Variants in RAB40A observed in about 807,000 individuals in gnomAD.
RAB40A encodes the protein RAB40A, member RAS oncogene family, also known as ras-related protein Rab-40A.
For missense variants in RAB40A, 145 were observed against 230.2 expected (o/e 0.63, Z 2.40); for synonymous variants, 65 against 99.9 (o/e 0.65, Z 2.08).
chrX:103,516,813 T>TCCC (rs1276151641), intron 2 of RAB40A, among the ~76,000 whole-genome samples: 1 of 112,009 alleles, frequency 8.9e-6, no homozygotes, highest in Admixed American at 9.5e-5. Flanking sequence ...ATGTACAGTA[T>TCCC]AGCATCCTGG....
intron 1 of RAB40A, among the ~76,000 whole-genome samples, chrX:103,518,580 G>A (rs2073327419): frequency 9.0e-6 from 1 of 111,177 alleles, no homozygotes; most frequent in Non-Finnish European, 1.9e-5. Flanking sequence ...AGGGGCTCTC[G>A]CTGGACAAAG....
rs1209522079 is a variant in RAB40A at position 103,507,311 on chromosome X, T to C, written c.-70-6485A>G. On this transcript the variant is annotated intron_variant, in intron 2 of 2. Transcript: ENST00000304236. The stretch of plus-strand genomic sequence containing the variant: ...TTTCTGTTCAAATCATTGCCAATTG[T>C]TTTGTTACCAAGTATGTTTCACAAA... Among the ~76,000 whole-genome samples the C allele has an allele frequency of 1.7e-4, 19 of 112,092 alleles. 1 individual carries two copies. The highest frequency in any genetic ancestry group is 5.6e-5 in the Non-Finnish European group (3 of 53,258).
In RAB40A at chrX:103,499,521, T is replaced by G; in HGVS notation, c.*402A>C. On this transcript the variant is annotated 3_prime_UTR_variant, in exon 3 of 3. Coordinates refer to ENST00000304236, the MANE Select transcript of RAB40A (RefSeq NM_080879.3). ...CCTCTTGTACTATCGATGACTGAAT[T>G]ATCTCACTATCATTGCTTCTCAAAT... 4.2e-6 allele frequency: 1 copy of G among 240,591 alleles called. No homozygotes were observed. Among genetic ancestry groups the G allele is most frequent in the Non-Finnish European group, 7.6e-6 (1 of 131,805 alleles). 19.8% of individuals were successfully genotyped at this position (240,591 alleles called of 1,213,427 possible). A position where few individuals can be genotyped will look rare whatever the true frequency, so the allele number is the denominator to read the frequency against.
intron 2 of RAB40A, among the ~76,000 whole-genome samples, chrX:103,508,798 A>G (rs1449483018): frequency 8.9e-6 from 1 of 112,111 alleles, no homozygotes; most frequent in Non-Finnish European, 1.9e-5. Context: ...GGTGAGCTCC[A>G]TGCCAGATCG....
chrX:103,515,916 T>C (rs1381799620), intron 2 of RAB40A, among the ~76,000 whole-genome samples: 1 of 112,471 alleles, frequency 8.9e-6, no homozygotes, highest in East Asian at 2.8e-4. Flanking sequence ...AGATCTCCCC[T>C]TGAACATGTC....
intron 2 of RAB40A, chrX:103,501,558 C>T (rs962630504): frequency 1.6e-5 from 2 of 123,732 alleles, no homozygotes; most frequent in African/African-American, 6.5e-5. Flanking sequence ...ATTCACCCAA[C>T]AAAGATGTGT....
At chrX:103,502,702 C>T in intron 2 of RAB40A, 1 of 764,699 alleles carries the variant, frequency 1.3e-6, no homozygotes, top group Non-Finnish European at 1.6e-6. Flanking sequence ...AAAGGGGGTG[C>T]TCAGGGTCCT....
downstream of RAB40A, among the ~76,000 whole-genome samples, chrX:103,498,977 G>A (rs1390928893): frequency 1.8e-5 from 2 of 111,612 alleles, no homozygotes; most frequent in Non-Finnish European, 3.8e-5. Context: ...ACCAAAACTG[G>A]CCAGCACAGG....
At chrX:103,518,587 A>G (rs2073327486) in intron 1 of RAB40A, among the ~76,000 whole-genome samples, 1 of 111,790 alleles carries the variant, frequency 8.9e-6, no homozygotes. Context: ...CTCGCTGGAC[A>G]AAGATGAAGC....
intron 2 of RAB40A, among the ~76,000 whole-genome samples, chrX:103,509,645 A>C (rs1398585231): frequency 5.0e-4 from 2 of 4,034 alleles, no homozygotes; most frequent in African/African-American, 2.3e-3. Context: ...TCTGTTAACA[A>C]TCTTCACTTC....
Position 103,500,120 on chromosome X carries a change from G to A in RAB40A, c.637C>T (p.Pro213Ser). The A allele has an allele frequency of 8.3e-7, 1 of 1,212,079 alleles. No homozygotes were observed. The highest frequency in any genetic ancestry group is 1.1e-6 in the Non-Finnish European group (1 of 895,534). ...TGGCTTCTTAAGGTACTGGGGAGCG[G>A]GAGCTTGTCCACCAGATGCACAGGT... Reference protein sequence around the residue: ...CTPVHLVDKLPLPSTLRSHLK... With the variant: ...CTPVHLVDKLSLPSTLRSHLK... Residue 213 changes from proline (P) to serine (S), a missense_variant, in exon 3 of 3, where the codon CCG becomes TCG. Transcript: ENST00000304236.
downstream of RAB40A, chrX:103,497,700 C>T (rs928884810): frequency 2.7e-5 from 3 of 111,878 alleles, no homozygotes; most frequent in Non-Finnish European, 3.8e-5. Context: ...TCTTGTGTCA[C>T]TTAAAAAGAC....
At chrX:103,503,428 A>G in intron 2 of RAB40A, 1 of 753,485 alleles carries the variant, frequency 1.3e-6, no homozygotes, top group Non-Finnish European at 1.6e-6. Context: ...TGCACGGGAC[A>G]ACGTATACTG....
chrX:103,503,168 AATTG>A (rs2073237519), intron 2 of RAB40A: 1 of 752,048 alleles, frequency 1.3e-6, no homozygotes, highest in Admixed American at 8.8e-5. Context: ...GAAAGAAAAA[AATTG>A]ATTGATAGAT....
rs1046922059 is a variant in RAB40A, at chrX:103,503,235, A to C, written c.-70-2409T>G. 5 of 751,964 alleles carry C rather than the reference A, an allele frequency of 6.6e-6. No homozygotes were observed. In the African/African-American group the frequency reaches 9.3e-5, roughly 14 times the overall value. 62.0% of individuals were successfully genotyped at this position (751,964 alleles called of 1,213,427 possible). ...GCCAGGGCATGAAACACCAGGTAGC[A>C]CTGACAGGGCTGTAGAAAGGTGACA... is the stretch of plus-strand genomic sequence containing the variant. On this transcript the variant is annotated intron_variant, in intron 2 of 2. Transcript: ENST00000304236.
At position 103,507,852 on chromosome X, in the gene RAB40A, C is replaced by G. The variant is rs2073264537; in HGVS notation, c.-70-7026G>C. Among the ~76,000 whole-genome samples the G allele has an allele frequency of 4.5e-5, 5 of 112,047 alleles. No individual in the cohort carries two copies. In the Admixed American group the frequency reaches 4.7e-4, roughly 11 times the overall value. The stretch of plus-strand genomic sequence containing the variant: ...AGCTTCTGCCTCAGTCCACTCACCA[C>G]AAATCAAATTTAAACTGCACCTCTC... On this transcript the variant is annotated intron_variant, in intron 2 of 2. Transcript: ENST00000304236.
intron 1 of RAB40A, among the ~76,000 whole-genome samples, chrX:103,518,195 A>G (rs1363514278): frequency 9.0e-6 from 1 of 111,639 alleles, no homozygotes; most frequent in East Asian, 2.8e-4. Flanking sequence ...AATAGGAGAA[A>G]ACTAATAGAA....
downstream of RAB40A, among the ~76,000 whole-genome samples, chrX:103,496,324 C>G (rs753848944): frequency 8.9e-6 from 1 of 112,214 alleles, no homozygotes; most frequent in African/African-American, 3.2e-5. Flanking sequence ...ATCATGTACA[C>G]TTATCATATA....
intron 2 of RAB40A, among the ~76,000 whole-genome samples, chrX:103,512,280 C>T (rs2073294557): frequency 2.7e-5 from 3 of 110,100 alleles, no homozygotes; most frequent in South Asian, 3.9e-4. Flanking sequence ...CCATAGGAAA[C>T]TAATACAAAG....
Sources: gnomAD v4.1 joint callset for allele counts (sites outside exome capture counted in the v4.1 genomes callset) on GRCh38, gnomAD v4.1.1 for gene constraint, MANE v1.5 for transcripts, NCBI Gene and HGNC (gene_info 2026-07-23, HGNC 2026-07-21) for gene names.